The following PLCL1 variants were observed in gnomAD, a reference collection of about 807,000 sequenced individuals.
PLCL1 encodes phospholipase C like 1 (inactive), also known as inactive phospholipase C-like protein 1.
A neutral mutation model predicts 84.4 loss-of-function variants in PLCL1; 41 were observed. The ratio of observed to expected loss-of-function variants is 0.49; its 90% confidence interval spans 0.38 to 0.63. PLCL1 has a LOEUF of 0.63. PLCL1 is among the 30% of genes least tolerant of loss of function. The probability of loss-of-function intolerance (pLI) is 0.00; values close to 1 mark genes in which losing one functional copy is unlikely to be tolerated. For synonymous variants in PLCL1, 490 were observed against 488.3 expected (o/e 1.00, Z -0.05); for missense variants, 1,206 against 1,367.8 (o/e 0.88, Z 1.87).
chr2:197,817,062 C>T (rs1010385007), intron 1 of PLCL1, among the ~76,000 whole-genome samples: 6 of 152,082 alleles, frequency 3.9e-5, no homozygotes, highest in African/African-American at 1.4e-4. Flanking sequence ...AACTTGGAGA[C>T]TGCCTAGTGT....
chr2:198,096,821 G>A (rs908543573), intron 3 of PLCL1, among the ~76,000 whole-genome samples: 2 of 152,188 alleles, frequency 1.3e-5, no homozygotes, highest in African/African-American at 4.8e-5. Context: ...GCTAATTGCT[G>A]TCTAATCACG....
At chr2:197,851,704 C>G (rs1045886145) in intron 1 of PLCL1, among the ~76,000 whole-genome samples, 1 of 152,178 alleles carries the variant, frequency 6.6e-6, no homozygotes, top group Admixed American at 6.5e-5. Context: ...TCTCTTACCC[C>G]TCACCTGCAG....
chr2:198,074,082 A>C (rs1214205703), intron 1 of PLCL1, among the ~76,000 whole-genome samples: 4 of 152,194 alleles, frequency 2.6e-5, no homozygotes, highest in African/African-American at 7.2e-5. Flanking sequence ...TTCATTTCTA[A>C]GAAATACCAC....
rs1172000890 is a variant in PLCL1 at position 197,805,357 on chromosome 2, G to A, written c.240+18G>A. ...TCATCAAGGTAAGCAAAGCCGCGCC[G>A]CACCGGGAGCGTGGCTGTGGGTGAT... On this transcript the variant is annotated intron_variant, in intron 1 of 5. Coordinates refer to ENST00000428675, the MANE Select transcript of PLCL1 (RefSeq NM_006226.4). The surrounding 1 kb of genome is among the most constrained non-coding windows in gnomAD (Gnocchi z 4.0). 3 of 1,337,692 alleles carry A rather than the reference G, an allele frequency of 2.2e-6. No homozygotes were observed. Among genetic ancestry groups the A allele is most frequent in the Non-Finnish European group, 2.9e-6 (3 of 1,050,180 alleles). The allele number at this position is 1,337,692 out of a possible 1,614,324, so 82.9% of individuals were successfully genotyped here.
intron 1 of PLCL1, among the ~76,000 whole-genome samples, chr2:198,039,205 AG>A (rs1691607183): frequency 6.6e-6 from 1 of 152,146 alleles, no homozygotes; most frequent in Admixed American, 6.6e-5. Flanking sequence ...CAAGAAGAGT[AG>A]TTGGCATGGT....
At chr2:198,053,718 G>T (rs1481242705) in intron 1 of PLCL1, among the ~76,000 whole-genome samples, 1 of 152,182 alleles carries the variant, frequency 6.6e-6, no homozygotes, top group East Asian at 1.9e-4. Context: ...GATAGAAATA[G>T]AAAGGAAGGA....
intron 1 of PLCL1, among the ~76,000 whole-genome samples, chr2:197,908,404 G>C (rs570161145): frequency 6.6e-6 from 1 of 152,258 alleles, no homozygotes; most frequent in Admixed American, 6.5e-5. Context: ...TAGTTTGAAG[G>C]TTCTTCCTTA....
At chr2:197,836,216 C>T (rs1274047412) in intron 1 of PLCL1, among the ~76,000 whole-genome samples, 2 of 151,756 alleles carry the variant, frequency 1.3e-5, no homozygotes, top group Non-Finnish European at 2.9e-5. Context: ...GAGGCCGAGG[C>T]GGGCGGATCA....
chr2:197,863,125 T>C (rs1317352828), intron 1 of PLCL1, among the ~76,000 whole-genome samples: 1 of 151,844 alleles, frequency 6.6e-6, no homozygotes, highest in African/African-American at 2.4e-5. Context: ...TGGGTAAATA[T>C]AGATAAGAGT....
chr2:198,009,002 T>G (rs1437600376), intron 1 of PLCL1, among the ~76,000 whole-genome samples: 2 of 152,088 alleles, frequency 1.3e-5, no homozygotes, highest in Admixed American at 6.6e-5. Context: ...GTATATCTTC[T>G]TTGGAGAAAT....
chr2:197,951,810 A>T (rs1002860410), intron 1 of PLCL1, among the ~76,000 whole-genome samples: 1 of 152,152 alleles, frequency 6.6e-6, no homozygotes, highest in African/African-American at 2.4e-5. Flanking sequence ...AAACACTCTG[A>T]ACTGGTTGCT....
intron 1 of PLCL1, among the ~76,000 whole-genome samples, chr2:198,005,224 G>C (rs188239646): frequency 1.3e-5 from 2 of 152,276 alleles, no homozygotes; most frequent in Non-Finnish European, 2.9e-5. Flanking sequence ...TAAGTGATAG[G>C]GGCAGTGAGA....
Position 198,044,350 on chromosome 2 carries a change from T to A in PLCL1, c.241-39408T>A, listed in dbSNP as rs183196705. ...ATGGAGCACAATTTTTTAAATGTCC[T>A]TAAAAAAGCATGCTACTTTAATTAT... On this transcript the variant is annotated intron_variant, in intron 1 of 5. Coordinates refer to ENST00000428675, the MANE Select transcript of PLCL1 (RefSeq NM_006226.4). Among the ~76,000 whole-genome samples the A allele has an allele frequency of 3.8e-3, 580 of 152,298 alleles. 5 individuals carry two copies. The highest frequency in any genetic ancestry group is 0.013 in the African/African-American group (555 of 41,560).
intron 5 of PLCL1, among the ~76,000 whole-genome samples, chr2:198,123,605 G>T (rs1431166844): frequency 2.6e-5 from 4 of 152,028 alleles, no homozygotes; most frequent in African/African-American, 9.7e-5. Flanking sequence ...CCAACACCTT[G>T]ATATGGGACT....
At chr2:198,117,286 T>A (rs1173030862) in intron 5 of PLCL1, among the ~76,000 whole-genome samples, 2 of 151,830 alleles carry the variant, frequency 1.3e-5, no homozygotes, top group Non-Finnish European at 2.9e-5. Context: ...AAATTCTGAT[T>A]TCCTTGGGTC....
At chr2:198,083,001 G>T (rs1375452720) in intron 1 of PLCL1, among the ~76,000 whole-genome samples, 1 of 152,214 alleles carries the variant, frequency 6.6e-6, no homozygotes, top group East Asian at 1.9e-4. Flanking sequence ...AGGTGCAAGT[G>T]TTCCCTGTAA....
chr2:198,080,798 A>G (rs1692694268), intron 1 of PLCL1, among the ~76,000 whole-genome samples: 1 of 152,196 alleles, frequency 6.6e-6, no homozygotes, highest in South Asian at 2.1e-4. Context: ...ATGACAACCT[A>G]AGAATCATGT....
intron 1 of PLCL1, among the ~76,000 whole-genome samples, chr2:198,033,448 G>A (rs1240166345): frequency 1.3e-5 from 2 of 152,148 alleles, no homozygotes; most frequent in East Asian, 1.9e-4. Flanking sequence ...CCATGAAGAC[G>A]GAGATTGGGA....
intron 1 of PLCL1, among the ~76,000 whole-genome samples, chr2:197,865,916 G>A (rs375891348): frequency 4.0e-5 from 6 of 148,604 alleles, no homozygotes; most frequent in African/African-American, 1.5e-4. Context: ...AGGAGGCTGA[G>A]GCGGGAGCAT....
Sources: allele counts gnomAD v4.1 joint callset (sites outside exome capture counted in the v4.1 genomes callset), GRCh38; gene constraint gnomAD v4.1.1; non-coding constraint Gnocchi (gnomAD v3.1); transcripts MANE v1.5; gene names NCBI Gene and HGNC (gene_info 2026-07-23, HGNC 2026-07-21).